The following KIT variants were observed in gnomAD, a reference collection of about 807,000 sequenced individuals.
KIT encodes the protein mast/stem cell growth factor receptor Kit.
KIT carries 16 observed loss-of-function variants against 105.7 expected under a neutral mutation model. The observed-to-expected ratio is 0.15, with a 90% CI of 0.10 to 0.23. KIT has a LOEUF of 0.23. Among genes scored for constraint, KIT ranks in the 10% least tolerant of loss-of-function variants. The pLI, the probability that KIT is intolerant of heterozygous loss-of-function variation, is 1.00. For missense variants in KIT, 858 were observed against 1,213.8 expected (o/e 0.71, Z 4.36); for synonymous variants, 438 against 441.1 (o/e 0.99, Z 0.09).
intron 1 of KIT, among the ~76,000 whole-genome samples, chr4:54,671,123 G>A (rs1436387946): frequency 6.6e-6 from 1 of 152,144 alleles, no homozygotes; most frequent in African/African-American, 2.4e-5. Flanking sequence ...GACTTCATCC[G>A]GCTTTTTGCG....
intron 1 of KIT, among the ~76,000 whole-genome samples, chr4:54,665,953 A>G (rs1717657121): frequency 6.6e-6 from 1 of 152,216 alleles, no homozygotes; most frequent in South Asian, 2.1e-4. Flanking sequence ...TTTCATGAAA[A>G]GGAGTGTATA....
intron 1 of KIT, among the ~76,000 whole-genome samples, chr4:54,670,379 T>C (rs1177296939): frequency 2.0e-5 from 3 of 152,150 alleles, no homozygotes; most frequent in Non-Finnish European, 2.9e-5. Flanking sequence ...GCTGAAGAAC[T>C]TGATGAATTT....
intron 7 of KIT, among the ~76,000 whole-genome samples, chr4:54,723,126 T>G (rs982360786): frequency 6.6e-6 from 1 of 152,134 alleles, no homozygotes; most frequent in Admixed American, 6.6e-5. Context: ...AGAGTGGGGC[T>G]TATCTTTTCC....
chr4:54,690,047 CTT>C (rs200043342), intron 1 of KIT, among the ~76,000 whole-genome samples: 4 of 114,706 alleles, frequency 3.5e-5, no homozygotes, highest in Admixed American at 1.8e-4. Flanking sequence ...TAGAATGTTA[CTT>C]TTTTTTTGTG....
intron 5 of KIT, among the ~76,000 whole-genome samples, chr4:54,705,895 CA>C (rs1720757835): frequency 6.6e-6 from 1 of 152,070 alleles, no homozygotes; most frequent in Admixed American, 6.5e-5. Flanking sequence ...CAAAACAAAA[CA>C]AAAGATTAAG....
intron 3 of KIT, among the ~76,000 whole-genome samples, chr4:54,699,400 T>G (rs902829154): frequency 1.1e-4 from 17 of 152,184 alleles, no homozygotes; most frequent in African/African-American, 3.9e-4. Flanking sequence ...AGAAGTATTA[T>G]AATCTCACAG....
At chr4:54,710,055 G>A (rs1011892525) in intron 7 of KIT, among the ~76,000 whole-genome samples, 2 of 152,194 alleles carry the variant, frequency 1.3e-5, no homozygotes, top group African/African-American at 4.8e-5. Flanking sequence ...GTATGTGGGA[G>A]AAGGTAGCAG....
chr4:54,666,021 T>C (rs1717660954), intron 1 of KIT, among the ~76,000 whole-genome samples: 1 of 152,198 alleles, frequency 6.6e-6, no homozygotes, highest in African/African-American at 2.4e-5. Context: ...GTATGTTTTT[T>C]GTTTTTCTCA....
At chr4:54,696,416 A>G (rs1720069972) in intron 2 of KIT, among the ~76,000 whole-genome samples, 1 of 152,190 alleles carries the variant, frequency 6.6e-6, no homozygotes, top group South Asian at 2.1e-4. Flanking sequence ...CATGCTGGGC[A>G]GGGGTGTATC....
chr4:54,680,752 C>G (rs1036360371), intron 1 of KIT, among the ~76,000 whole-genome samples: 1 of 152,092 alleles, frequency 6.6e-6, no homozygotes, highest in African/African-American at 2.4e-5. Flanking sequence ...TGACATTTTG[C>G]AGAAGCTTGA....
At chr4:54,713,356 G>A (rs1721277995) in intron 7 of KIT, among the ~76,000 whole-genome samples, 1 of 151,606 alleles carries the variant, frequency 6.6e-6, no homozygotes, top group Non-Finnish European at 1.5e-5. Context: ...TTTTTTTCAT[G>A]TTAAATTTTA....
At chr4:54,735,028 G>A (rs1008770051) in intron 17 of KIT, among the ~76,000 whole-genome samples, 1 of 152,052 alleles carries the variant, frequency 6.6e-6, no homozygotes, top group Non-Finnish European at 1.5e-5. Context: ...ATTTTAGAGT[G>A]GTGATTAATG....
intron 5 of KIT, 26 bp from the exon 6 acceptor site, chr4:54,707,072 T>C (rs1422881016): frequency 1.5e-6 from 2 of 1,335,218 alleles, no homozygotes; most frequent in Admixed American, 3.5e-5. Context: ...TAATGGTTTC[T>C]TTCTGTCTTA....
chr4:54,692,902 C>A (rs766864868), intron 1 of KIT, among the ~76,000 whole-genome samples: 1 of 152,154 alleles, frequency 6.6e-6, no homozygotes, highest in African/African-American at 2.4e-5. Context: ...GTTGATGCCA[C>A]CACAGGCAAT....
chr4:54,701,396 T>G (rs918344290), intron 4 of KIT, among the ~76,000 whole-genome samples: 2 of 150,416 alleles, frequency 1.3e-5, no homozygotes, highest in African/African-American at 4.8e-5. Context: ...CCATAATATT[T>G]TATTCTGACC....
chr4:54,698,909 A>G (rs766954766), intron 3 of KIT, among the ~76,000 whole-genome samples: 1 of 152,232 alleles, frequency 6.6e-6, no homozygotes, highest in Admixed American at 6.5e-5. Context: ...AAAGATTAGC[A>G]TGCAGATGAT....
intron 7 of KIT, among the ~76,000 whole-genome samples, chr4:54,709,961 T>G (rs989151787): frequency 6.6e-6 from 1 of 152,198 alleles, no homozygotes. Context: ...TTTGAGGCTG[T>G]GATGTTACTT....
At chr4:54,678,340 CCT>C (rs1718649343) in intron 1 of KIT, among the ~76,000 whole-genome samples, 1 of 105,826 alleles carries the variant, frequency 9.4e-6, no homozygotes, top group African/African-American at 4.5e-5. Context: ...TTCCTTCCTT[CCT>C]TCCTTCCTTC....
At chr4:54,702,475 T>C (rs1720518169) in intron 4 of KIT, among the ~76,000 whole-genome samples, 1 of 152,118 alleles carries the variant, frequency 6.6e-6, no homozygotes, top group Admixed American at 6.5e-5. Flanking sequence ...TGCTTAGTAG[T>C]CCCAAGTGTC....
Sources: allele counts gnomAD v4.1 joint callset (sites outside exome capture counted in the v4.1 genomes callset), GRCh38; gene constraint gnomAD v4.1.1; transcripts MANE v1.5; gene names NCBI Gene and HGNC (gene_info 2026-07-23, HGNC 2026-07-21).